Variants in LRRC4C observed in about 807,000 individuals in gnomAD.
LRRC4C encodes the protein leucine-rich repeat-containing protein 4C.
A neutral mutation model predicts 33.6 loss-of-function variants in LRRC4C; 5 were observed. That is an observed-to-expected ratio of 0.15 (90% confidence interval 0.08 to 0.31). The LOEUF (loss-of-function observed/expected upper bound fraction) is 0.31, where lower values mean the gene tolerates loss of function less well. Among genes scored for constraint, LRRC4C ranks in the 10% least tolerant of loss-of-function variants. LRRC4C has a pLI of 1.00. For synonymous variants in LRRC4C, 329 were observed against 302.0 expected (o/e 1.09, Z -0.93); for missense variants, 560 against 796.7 (o/e 0.70, Z 3.58).
intron 1 of LRRC4C, among the ~76,000 whole-genome samples, chr11:41,413,559 T>A (rs1164694439): frequency 6.6e-6 from 1 of 152,212 alleles, no homozygotes; most frequent in African/African-American, 2.4e-5. Context: ...TAGAAATGTT[T>A]GGCAATTTAA....
intron 3 of LRRC4C, among the ~76,000 whole-genome samples, chr11:40,633,389 T>TCTCTCTCTCTCTC (rs1963675461): frequency 8.8e-5 from 10 of 112,996 alleles, no homozygotes; most frequent in Non-Finnish European, 1.1e-4. Flanking sequence ...CTTTCTTTCT[T>TCTCTCTCTCTCTC]TCTTTCTTTT....
At chr11:41,025,245 G>A (rs1473668832) in intron 1 of LRRC4C, among the ~76,000 whole-genome samples, 1 of 151,650 alleles carries the variant, frequency 6.6e-6, no homozygotes, top group African/African-American at 2.4e-5. Flanking sequence ...AGTGAGAAAG[G>A]CATGTTGAAA....
chr11:41,180,793 T>A (rs190810896), intron 1 of LRRC4C, among the ~76,000 whole-genome samples: 2 of 152,154 alleles, frequency 1.3e-5, no homozygotes, highest in East Asian at 3.9e-4. Flanking sequence ...GTTAGCTAAT[T>A]GGTATCATTA....
chr11:41,087,357 C>T (rs1175405906), intron 1 of LRRC4C, among the ~76,000 whole-genome samples: 4 of 152,100 alleles, frequency 2.6e-5, no homozygotes, highest in Non-Finnish European at 4.4e-5. Flanking sequence ...ATTATCCCTA[C>T]CCAGCTCCAC....
intron 4 of LRRC4C, chr11:40,294,222 AG>A (rs1944393475): frequency 6.6e-6 from 1 of 152,210 alleles, no homozygotes; most frequent in Non-Finnish European, 1.5e-5. Flanking sequence ...ACTTGAAGTC[AG>A]GGAAGAGGGG....
intron 3 of LRRC4C, among the ~76,000 whole-genome samples, chr11:40,448,936 C>T (rs547758657): frequency 6.6e-6 from 1 of 152,288 alleles, no homozygotes; most frequent in East Asian, 1.9e-4. Context: ...TTAATGATCG[C>T]CATTCTAACT....
chr11:41,407,223 G>C (rs1212726984), intron 1 of LRRC4C, among the ~76,000 whole-genome samples: 1 of 150,374 alleles, frequency 6.7e-6, no homozygotes, highest in African/African-American at 2.4e-5. Context: ...CTAGCAACTT[G>C]TTTTAAAGGT....
intron 1 of LRRC4C, among the ~76,000 whole-genome samples, chr11:41,335,932 T>C (rs368670721): frequency 2.0e-5 from 3 of 152,188 alleles, no homozygotes; most frequent in African/African-American, 7.2e-5. Context: ...TCTAGCTAAT[T>C]GTAGACACTT....
intron 2 of LRRC4C, among the ~76,000 whole-genome samples, chr11:40,875,897 T>G (rs1954861935): frequency 6.6e-6 from 1 of 152,106 alleles, no homozygotes; most frequent in Non-Finnish European, 1.5e-5. Flanking sequence ...GCCCTGAGCT[T>G]GTTTTCCTGC....
At chr11:40,566,656 T>G (rs1238269589) in intron 3 of LRRC4C, among the ~76,000 whole-genome samples, 1 of 152,124 alleles carries the variant, frequency 6.6e-6, no homozygotes, top group Non-Finnish European at 1.5e-5. Context: ...TATATTTTGT[T>G]TCCTCTCTTT....
At position 41,331,364 on chromosome 11, in the gene LRRC4C, T is replaced by C. The variant is rs192908119; in HGVS notation, c.-496+128067A>G. On this transcript the variant is annotated intron_variant, in intron 1 of 6. Transcript: ENST00000528697. ...TAATTAGTATCTACTCAGAAGTTAT[T>C]GATTAAAGAAACCACACTTGGCATC... Among the ~76,000 whole-genome samples, 40 of 152,298 alleles carry C rather than the reference T, an allele frequency of 2.6e-4. 1 individual carries two copies. In the East Asian group the frequency reaches 7.5e-3, roughly 29 times the overall value.
intron 4 of LRRC4C, among the ~76,000 whole-genome samples, chr11:40,317,376 T>A (rs190623146): frequency 4.4e-4 from 67 of 152,166 alleles, no homozygotes; most frequent in Non-Finnish European, 8.1e-4. Flanking sequence ...CTTTGCATAA[T>A]GGGTTATACT....
At chr11:41,182,689 A>C (rs1246757551) in intron 1 of LRRC4C, among the ~76,000 whole-genome samples, 2 of 152,184 alleles carry the variant, frequency 1.3e-5, no homozygotes, top group African/African-American at 4.8e-5. Flanking sequence ...AATACCTCAA[A>C]AAATTCCTTG....
intron 1 of LRRC4C, among the ~76,000 whole-genome samples, chr11:41,451,259 T>A (rs1336364242): frequency 6.6e-6 from 1 of 152,114 alleles, no homozygotes; most frequent in East Asian, 1.9e-4. Flanking sequence ...GCAAAAGTGT[T>A]CTTGACCTAA....
At chr11:41,171,543 T>C (rs994363481) in intron 1 of LRRC4C, among the ~76,000 whole-genome samples, 4 of 143,734 alleles carry the variant, frequency 2.8e-5, no homozygotes, top group South Asian at 2.2e-4. Flanking sequence ...TAGGTGGGAA[T>C]TGAACAATAA....
At chr11:40,695,207 C>A (rs114658258) in intron 2 of LRRC4C, among the ~76,000 whole-genome samples, 2,220 of 152,202 alleles carry the variant, frequency 0.015, 23 homozygotes, top group South Asian at 0.027. Context: ...TGGTGAGGCA[C>A]CATGAAGGGA....
chr11:40,528,832 G>A (rs142248657), intron 3 of LRRC4C, among the ~76,000 whole-genome samples: 152 of 152,228 alleles, frequency 1.0e-3, no homozygotes, highest in African/African-American at 3.3e-3. Flanking sequence ...CCTGCCATTT[G>A]GAACAGCATG....
intron 1 of LRRC4C, among the ~76,000 whole-genome samples, chr11:41,147,158 T>C (rs1187286548): frequency 2.6e-5 from 4 of 152,232 alleles, no homozygotes; most frequent in Non-Finnish European, 2.9e-5. Context: ...ATATTCTCTT[T>C]TTGGTATTCC....
intron 1 of LRRC4C, among the ~76,000 whole-genome samples, chr11:41,373,415 A>T (rs1050793011): frequency 6.6e-6 from 1 of 152,196 alleles, no homozygotes; most frequent in African/African-American, 2.4e-5. Context: ...TGTCAGTTAA[A>T]TTTTTAAACT....
Sources: gnomAD v4.1 joint callset for allele counts (sites outside exome capture counted in the v4.1 genomes callset) on GRCh38, gnomAD v4.1.1 for gene constraint, MANE v1.5 for transcripts, NCBI Gene and HGNC (gene_info 2026-07-23, HGNC 2026-07-21) for gene names.